CSMD1: variants seen among roughly 807,000 people sequenced by gnomAD.
The protein encoded by CSMD1 is CUB and Sushi multiple domains 1.
Under a neutral mutation model 417.5 loss-of-function variants are expected in CSMD1, and 213 were observed. The ratio of observed to expected loss-of-function variants is 0.51; its 90% CI spans 0.46 to 0.57. The LOEUF is 0.57. CSMD1 is among the 20% of genes least tolerant of loss of function. CSMD1 has a pLI of 0.00. For missense variants in CSMD1, 6,923 were observed against 4,529.7 expected, an observed-to-expected ratio of 1.53 and a Z score of -15.17; for synonymous variants, 2,862 against 1,736.8, an observed-to-expected ratio of 1.65 and a Z score of -16.11.
intron 23 of CSMD1, among the ~76,000 whole-genome samples, chr8:3,330,085 C>A (rs1434229417): frequency 1.3e-5 from 2 of 152,140 alleles, no homozygotes. Flanking sequence ...CTGGGTGCAG[C>A]TCCTCCCAGG....
At chr8:4,186,626 A>C (rs564744343) in intron 3 of CSMD1, among the ~76,000 whole-genome samples, 1 of 152,290 alleles carries the variant, frequency 6.6e-6, no homozygotes, top group East Asian at 1.9e-4. Context: ...TCCAGGGGCT[A>C]AGAGGCTATT....
At chr8:2,974,911 G>A (rs1409556106) in intron 55 of CSMD1, among the ~76,000 whole-genome samples, 6 of 152,154 alleles carry the variant, frequency 3.9e-5, no homozygotes, top group Non-Finnish European at 7.4e-5. Context: ...CAGCCATACT[G>A]CCTACATTTT....
intron 26 of CSMD1, among the ~76,000 whole-genome samples, chr8:3,261,322 C>T (rs1801044413): frequency 6.6e-6 from 1 of 152,256 alleles, no homozygotes; most frequent in Non-Finnish European, 1.5e-5. Context: ...AAAAGCAAAA[C>T]ATTCAATTCT....
At chr8:3,128,154 A>C (rs1817608158) in intron 41 of CSMD1, 1 of 152,230 alleles carries the variant, frequency 6.6e-6, no homozygotes, top group South Asian at 2.1e-4. Flanking sequence ...TATCTTTTAT[A>C]AAGGAATCCT....
rs73498637 is a variant in CSMD1, at chr8:4,553,302, C to A, written c.302+84040G>T. Reference sequence around the variant, plus strand: ...CTCCAAAGACTAAGATTTCATATATCAGCTCTGGGTAAAAGTGCTTCATTT... The same window carrying A: ...CTCCAAAGACTAAGATTTCATATATAAGCTCTGGGTAAAAGTGCTTCATTT... On this transcript the variant is annotated intron_variant, in intron 2 of 69. Transcript: ENST00000635120. Among the ~76,000 whole-genome samples, 376 of 152,310 alleles carry A rather than the reference C, an allele frequency of 2.5e-3. 1 individual carries two copies. Among genetic ancestry groups the A allele is most frequent in the African/African-American group, 8.9e-3 (369 of 41,568 alleles).
At chr8:3,268,446 G>A (rs377642674) in intron 26 of CSMD1, among the ~76,000 whole-genome samples, 8 of 151,726 alleles carry the variant, frequency 5.3e-5, no homozygotes, top group African/African-American at 1.9e-4. Context: ...CCGCCACCAC[G>A]CCCAGCTGAT....
chr8:4,931,007 C>G (rs1458043701), intron 1 of CSMD1, among the ~76,000 whole-genome samples: 1 of 152,100 alleles, frequency 6.6e-6, no homozygotes, highest in East Asian at 1.9e-4. Context: ...TATGTATTAT[C>G]AATGGGAGAC....
chr8:4,944,860 TTAAAAA>T (rs1808264262), intron 1 of CSMD1, among the ~76,000 whole-genome samples: 1 of 151,898 alleles, frequency 6.6e-6, no homozygotes, highest in Admixed American at 6.5e-5. Context: ...CTTCTGAAAA[TTAAAAA>T]TAAAACTGCC....
At chr8:4,228,172 C>G (rs929902786) in intron 3 of CSMD1, among the ~76,000 whole-genome samples, 10 of 152,332 alleles carry the variant, frequency 6.6e-5, no homozygotes, top group African/African-American at 2.2e-4. Context: ...AACACCCCCT[C>G]CACCCTGCAT....
intron 39 of CSMD1, among the ~76,000 whole-genome samples, chr8:3,154,747 G>T (rs1291333979): frequency 1.3e-5 from 2 of 152,142 alleles, no homozygotes; most frequent in Non-Finnish European, 2.9e-5. Context: ...TAAATTCTGA[G>T]AACACTGCTT....
intron 3 of CSMD1, among the ~76,000 whole-genome samples, chr8:4,325,888 C>T (rs991509598): frequency 1.3e-5 from 2 of 152,126 alleles, no homozygotes; most frequent in Admixed American, 6.5e-5. Flanking sequence ...TGTATATGCA[C>T]ATGGTCAGAA....
intron 12 of CSMD1, among the ~76,000 whole-genome samples, chr8:3,414,920 T>C (rs1004847359): frequency 3.3e-5 from 5 of 152,168 alleles, no homozygotes; most frequent in Admixed American, 6.6e-5. Flanking sequence ...AGCACCACTC[T>C]CTTTTCTGCG....
At chr8:4,777,212 C>A (rs900759473) in intron 1 of CSMD1, among the ~76,000 whole-genome samples, 17 of 152,128 alleles carry the variant, frequency 1.1e-4, no homozygotes, top group Non-Finnish European at 2.1e-4. Context: ...CCAAAGACAG[C>A]TAAACCATGC....
chr8:3,468,874 C>A (rs577146427), intron 11 of CSMD1, 50 bp from the exon 12 acceptor site: 3 of 1,206,680 alleles, frequency 2.5e-6, no homozygotes, highest in Non-Finnish European at 2.4e-6. Flanking sequence ...ACAAGTACAT[C>A]GACTTCCACC....
chr8:4,941,518 CTTG>C (rs375074436), intron 1 of CSMD1, among the ~76,000 whole-genome samples: 8 of 151,884 alleles, frequency 5.3e-5, no homozygotes, highest in African/African-American at 1.7e-4. Context: ...ACACATGTAA[CTTG>C]TTGTGTTTCT....
chr8:4,015,324 T>C (rs1796468487), intron 4 of CSMD1, among the ~76,000 whole-genome samples: 1 of 152,196 alleles, frequency 6.6e-6, no homozygotes, highest in African/African-American at 2.4e-5. Flanking sequence ...ATGACTTCTC[T>C]TCCTTCTCCC....
chr8:4,368,508 C>G (rs915107283), intron 3 of CSMD1, among the ~76,000 whole-genome samples: 1 of 152,132 alleles, frequency 6.6e-6, no homozygotes, highest in Non-Finnish European at 1.5e-5. Context: ...AGAGAAGTCC[C>G]TCTTTCTCAA....
intron 1 of CSMD1, among the ~76,000 whole-genome samples, chr8:4,748,245 C>G (rs1414783997): frequency 6.6e-6 from 1 of 152,210 alleles, no homozygotes; most frequent in Non-Finnish European, 1.5e-5. Flanking sequence ...GCAATTCAAG[C>G]AACCGATTAC....
At chr8:3,304,700 G>A (rs75274960) in intron 25 of CSMD1, among the ~76,000 whole-genome samples, 4,380 of 145,758 alleles carry the variant, frequency 0.03, 106 homozygotes, top group Non-Finnish European at 0.045. Flanking sequence ...AAAACTGCAC[G>A]TTTTTATTCA....
Sources: gnomAD v4.1 joint callset for allele counts (sites outside exome capture counted in the v4.1 genomes callset) on GRCh38, gnomAD v4.1.1 for gene constraint, MANE v1.5 for transcripts, NCBI Gene and HGNC (gene_info 2026-07-23, HGNC 2026-07-21) for gene names.